The following ZNF385D variants were observed in gnomAD, a reference collection of about 807,000 sequenced individuals.
ZNF385D encodes zinc finger protein 385D, also known as zinc finger protein 659.
ZNF385D carries 15 observed loss-of-function variants against 35.8 expected under a neutral mutation model. The observed-to-expected ratio is 0.42, with a 90% CI of 0.28 to 0.64. The LOEUF (loss-of-function observed/expected upper bound fraction) is 0.64. Ranked by LOEUF, ZNF385D falls within the 30% of genes least tolerant of loss-of-function variation. The pLI is 0.23. For synonymous variants in ZNF385D, 212 were observed against 186.8 expected (o/e 1.13, Z -1.10); for missense variants, 474 against 494.6 (o/e 0.96, Z 0.39).
chr3:21,607,299 T>C (rs899197771), intron 2 of ZNF385D, among the ~76,000 whole-genome samples: 3 of 152,224 alleles, frequency 2.0e-5, no homozygotes, highest in African/African-American at 7.2e-5. Flanking sequence ...AACGTCATCC[T>C]CCAATAACTG....
At chr3:22,321,620 C>A (rs1694438486) in intron 2 of ZNF385D, among the ~76,000 whole-genome samples, 2 of 152,142 alleles carry the variant, frequency 1.3e-5, no homozygotes, top group Non-Finnish European at 2.9e-5. Context: ...TCACCTCGGC[C>A]TCCCAAAGTG....
At chr3:22,078,814 A>G (rs905161947) in intron 3 of ZNF385D, among the ~76,000 whole-genome samples, 19 of 152,206 alleles carry the variant, frequency 1.2e-4, no homozygotes, top group African/African-American at 4.3e-4. Context: ...TTTCAAAATA[A>G]TATGGATATA....
chr3:21,588,532 G>GAT (rs2063879035), intron 2 of ZNF385D, among the ~76,000 whole-genome samples: 1 of 151,736 alleles, frequency 6.6e-6, no homozygotes, highest in Non-Finnish European at 1.5e-5. Context: ...ACCTTATAGA[G>GAT]ATAACATATA....
chr3:22,329,268 T>A (rs888877764), intron 2 of ZNF385D, among the ~76,000 whole-genome samples: 1 of 152,134 alleles, frequency 6.6e-6, no homozygotes, highest in Non-Finnish European at 1.5e-5. Flanking sequence ...TTCTTATTTC[T>A]TCTCTTTCTT....
At chr3:22,058,879 C>T (rs1031752186) in intron 3 of ZNF385D, among the ~76,000 whole-genome samples, 1 of 152,150 alleles carries the variant, frequency 6.6e-6, no homozygotes, top group African/African-American at 2.4e-5. Flanking sequence ...CTATCCACCT[C>T]CATAGCAAGA....
intron 1 of ZNF385D, among the ~76,000 whole-genome samples, chr3:21,720,962 A>T (rs543612943): frequency 1.3e-5 from 2 of 152,292 alleles, no homozygotes; most frequent in Non-Finnish European, 2.9e-5. Context: ...CAGGGAGATA[A>T]ACAGTATATG....
intron 3 of ZNF385D, among the ~76,000 whole-genome samples, chr3:21,868,056 A>T (rs1697468181): frequency 6.6e-6 from 1 of 152,150 alleles, no homozygotes; most frequent in Admixed American, 6.6e-5. Context: ...ATATGTATGT[A>T]TGTGAAGATT....
intron 2 of ZNF385D, among the ~76,000 whole-genome samples, chr3:21,580,717 T>G (rs1351798748): frequency 6.6e-6 from 1 of 152,012 alleles, no homozygotes; most frequent in Non-Finnish European, 1.5e-5. Context: ...ATTTAGCACA[T>G]AAGAATATCC....
At position 22,113,807 on chromosome 3, in the gene ZNF385D, G is replaced by C. The variant is rs1702666440; in HGVS notation, c.325+55010C>G. 1.3e-5 allele frequency among the ~76,000 whole-genome samples: 2 copies of C among 152,028 alleles called. 1 individual carries two copies. Among genetic ancestry groups the C allele is most frequent in the African/African-American group, 4.8e-5 (2 of 41,428 alleles). On this transcript the variant is annotated intron_variant, in intron 3 of 5. Coordinates refer to the ZNF385D transcript ENST00000494108. ...AGTCTCTTCTGCTAAAGGAAGTTGA[G>C]ACAATTTGGTGCTTTTTCAAGATTG...
intron 2 of ZNF385D, among the ~76,000 whole-genome samples, chr3:22,203,165 A>C (rs1419481475): frequency 6.6e-6 from 1 of 152,036 alleles, no homozygotes; most frequent in Non-Finnish European, 1.5e-5. Context: ...AGGGAAGACA[A>C]AGAGGACTTT....
chr3:21,999,827 G>T (rs1695724681), intron 3 of ZNF385D, among the ~76,000 whole-genome samples: 1 of 151,896 alleles, frequency 6.6e-6, no homozygotes, highest in Admixed American at 6.6e-5. Context: ...AAAACTGTGT[G>T]ATATATGGGA....
chr3:22,260,494 T>C (rs968627743), intron 2 of ZNF385D, among the ~76,000 whole-genome samples: 4 of 151,866 alleles, frequency 2.6e-5, no homozygotes, highest in African/African-American at 9.7e-5. Flanking sequence ...TGCACATGTA[T>C]CCCAGAACTT....
intron 2 of ZNF385D, among the ~76,000 whole-genome samples, chr3:22,220,738 GC>G (rs1698203195): frequency 6.6e-6 from 1 of 151,960 alleles, no homozygotes; most frequent in African/African-American, 2.4e-5. Flanking sequence ...CATTCCTGAA[GC>G]CCTCATCCTT....
chr3:21,635,526 G>C (rs1307631036), intron 2 of ZNF385D, among the ~76,000 whole-genome samples: 2 of 146,054 alleles, frequency 1.4e-5, no homozygotes, highest in Non-Finnish European at 3.0e-5. Flanking sequence ...TAGTTCCAGA[G>C]TCACTGTTTG....
chr3:21,768,668 G>C (rs1420907841), intron 3 of ZNF385D, among the ~76,000 whole-genome samples: 2 of 151,902 alleles, frequency 1.3e-5, no homozygotes, highest in East Asian at 1.9e-4. Context: ...CCAAATATTG[G>C]GAATATGTGC....
chr3:22,171,630 A>C (rs1405602382), intron 2 of ZNF385D, among the ~76,000 whole-genome samples: 1 of 152,166 alleles, frequency 6.6e-6, no homozygotes, highest in Non-Finnish European at 1.5e-5. Flanking sequence ...TAATCCCAGC[A>C]CTTTGGGAGG....
chr3:21,482,526 C>T (rs1434950893), intron 4 of ZNF385D, among the ~76,000 whole-genome samples: 1 of 152,144 alleles, frequency 6.6e-6, no homozygotes, highest in Non-Finnish European at 1.5e-5. Context: ...AGAAGAAGTA[C>T]TTCCTAATAA....
chr3:22,020,779 C>T (rs955929273), intron 3 of ZNF385D, among the ~76,000 whole-genome samples: 5 of 151,810 alleles, frequency 3.3e-5, no homozygotes, highest in African/African-American at 1.2e-4. Flanking sequence ...TACTGGGTAT[C>T]TACTGAAAGG....
At chr3:21,972,710 C>T (rs993447349) in intron 3 of ZNF385D, among the ~76,000 whole-genome samples, 1 of 150,984 alleles carries the variant, frequency 6.6e-6, no homozygotes, top group African/African-American at 2.4e-5. Flanking sequence ...ACAAAAAAGA[C>T]CTAAATAAAC....
Sources: gnomAD v4.1 joint callset for allele counts (sites outside exome capture counted in the v4.1 genomes callset) on GRCh38, gnomAD v4.1.1 for gene constraint, MANE v1.5 for transcripts, NCBI Gene and HGNC (gene_info 2026-07-23, HGNC 2026-07-21) for gene names.